RFWD3: variants seen among roughly 807,000 people sequenced by gnomAD.
RFWD3 encodes the protein E3 ubiquitin-protein ligase RFWD3.
In RFWD3, 65 loss-of-function variants were observed where a neutral mutation model predicts 87.7. That is an observed-to-expected ratio of 0.74 (90% CI 0.61 to 0.91). The LOEUF (loss-of-function observed/expected upper bound fraction) is 0.91, where lower values mean the gene tolerates loss of function less well. Ranked by LOEUF, RFWD3 falls within the 40% of genes least tolerant of loss-of-function variation. The pLI is 0.00. For missense variants in RFWD3, 1,078 were observed against 938.5 expected (o/e 1.15, Z -1.94); for synonymous variants, 433 against 352.8 (o/e 1.23, Z -2.55).
At chr16:74,636,965 G>A (rs915210649) in intron 7 of RFWD3, among the ~76,000 whole-genome samples, 17 of 151,732 alleles carry the variant, frequency 1.1e-4, no homozygotes, top group Non-Finnish European at 1.9e-4. Flanking sequence ...CACCCGCCTC[G>A]GCCGCCCAAA....
In RFWD3 at chr16:74,661,226, T is replaced by G; in HGVS notation, c.224A>C (p.Gln75Pro). ...ATPPLLQPAP[Q>P]LSVDLTEVEV... Reference sequence around the variant, plus strand: ...CACTTCTGTCAGGTCAACAGACAGTTGCGGAGCAGGCTGGAGCAGGGGTGG... The same window carrying G: ...CACTTCTGTCAGGTCAACAGACAGTGGCGGAGCAGGCTGGAGCAGGGGTGG... The change falls in exon 2 of 13, where the codon CAA becomes CCA. Residue 75 changes from glutamine to proline, a missense_variant. Coordinates refer to ENST00000361070, the MANE Select transcript of RFWD3 (RefSeq NM_018124.4). The G allele has an allele frequency of 6.2e-7, 1 of 1,614,226 alleles. No homozygotes were observed. The highest frequency in any genetic ancestry group is 2.2e-5 in the East Asian group (1 of 44,876).
At chr16:74,648,849 G>T (rs933844502) in intron 4 of RFWD3, among the ~76,000 whole-genome samples, 1 of 152,130 alleles carries the variant, frequency 6.6e-6, no homozygotes, top group Non-Finnish European at 1.5e-5. Context: ...GGTTTGGGAG[G>T]CCGAGGCAGG....
intron 8 of RFWD3, among the ~76,000 whole-genome samples, chr16:74,634,884 G>A (rs540577144): frequency 1.3e-4 from 20 of 152,160 alleles, no homozygotes; most frequent in African/African-American, 4.8e-4. Context: ...GCTCATGCCT[G>A]TAATCCCAGT....
chr16:74,632,780 C>A, intron 8 of RFWD3, 107 bp from the exon 9 acceptor site: 1 of 979,392 alleles, frequency 1.0e-6, no homozygotes. Flanking sequence ...GCGTATAAGT[C>A]CTTGGGAACC....
rs77457049 is a variant in RFWD3, at chr16:74,649,104, G to A, written c.792+28C>T. 3.8e-3 allele frequency: 5,562 copies of A among 1,452,834 alleles called. 157 individuals carry two copies. The East Asian group carries it at 0.056, about 15-fold the overall frequency. 90.0% of individuals were successfully genotyped at this position (1,452,834 alleles called of 1,614,324 possible). ...CTAAAAATAAATAAATAAATAAATA[G>A]ATTTTTTTAAAATGATGTTCATATT... On this transcript the variant is annotated intron_variant, in intron 4 of 12. Transcript: ENST00000361070.
chr16:74,637,931 C>T lies in RFWD3; in HGVS notation c.1119G>A (p.Glu373=). 2 of 1,612,390 alleles carry T rather than the reference C, an allele frequency of 1.2e-6. No individual in the cohort carries two copies. Among genetic ancestry groups the T allele is most frequent in the Non-Finnish European group, 1.7e-6 (2 of 1,179,744 alleles). ...LKEQMLRKQA[E]LESAQCRLQL... ...GGAGTCGGCACTGTGCTGATTCTAA[C>T]TCGGCCTGTTTCCTTAGCATCTGTT... Residue 373 remains glutamate (E), a synonymous_variant, in exon 7 of 13, where the codon GAG becomes GAA. Coordinates refer to ENST00000361070, the MANE Select transcript of RFWD3 (RefSeq NM_018124.4).
At chr16:74,627,791 C>T (rs966984649) in intron 11 of RFWD3, among the ~76,000 whole-genome samples, 6 of 152,210 alleles carry the variant, frequency 3.9e-5, no homozygotes, top group Non-Finnish European at 7.3e-5. Context: ...ACACCCACAA[C>T]GAACTCCCTA....
chr16:74,632,979 A>T (rs1384127358), intron 8 of RFWD3, among the ~76,000 whole-genome samples: 1 of 152,012 alleles, frequency 6.6e-6, no homozygotes, highest in Non-Finnish European at 1.5e-5. Context: ...TGATTCATTT[A>T]AAAAAGTACA....
At chr16:74,639,538 C>A (rs1959453484) in intron 6 of RFWD3, among the ~76,000 whole-genome samples, 1 of 152,076 alleles carries the variant, frequency 6.6e-6, no homozygotes, top group Non-Finnish European at 1.5e-5. Context: ...AAACAGTGAA[C>A]AAATGGAAGG....
chr16:74,661,582 G>A (rs1281687258), intron 1 of RFWD3, 131 bp from the exon 2 acceptor site: 5 of 881,020 alleles, frequency 5.7e-6, no homozygotes, highest in Non-Finnish European at 8.5e-6. Context: ...AGCTTCAAGA[G>A]AAGATTTTAA....
chr16:74,634,708 T>A (rs753376265), intron 8 of RFWD3, among the ~76,000 whole-genome samples: 1 of 151,020 alleles, frequency 6.6e-6, no homozygotes, highest in African/African-American at 2.4e-5. Context: ...TCTTTAAAAA[T>A]ACGTCAAATC....
intron 2 of RFWD3, among the ~76,000 whole-genome samples, chr16:74,656,308 C>CAAAAAAAAAAAA (rs71158534): frequency 4.4e-4 from 28 of 64,190 alleles, no homozygotes; most frequent in East Asian, 1.1e-3. Context: ...CTTGTCTTGC[C>CAAAAAAAAAAAA]AAAAAAAAAA....
intron 6 of RFWD3, among the ~76,000 whole-genome samples, chr16:74,642,768 C>T (rs1343206763): frequency 6.6e-6 from 1 of 152,214 alleles, no homozygotes; most frequent in Non-Finnish European, 1.5e-5. Context: ...GCTGGGATTA[C>T]AGGCATGAGC....
intron 1 of RFWD3, among the ~76,000 whole-genome samples, chr16:74,662,206 C>T (rs1182079486): frequency 6.6e-6 from 1 of 152,072 alleles, no homozygotes; most frequent in East Asian, 1.9e-4. Flanking sequence ...GTCTTGAATG[C>T]CTGGCCTTAC....
At chr16:74,645,912 C>A (rs1960099963) in intron 4 of RFWD3, among the ~76,000 whole-genome samples, 1 of 151,558 alleles carries the variant, frequency 6.6e-6, no homozygotes, top group Non-Finnish European at 1.5e-5. Context: ...GCCACCAAGC[C>A]CGATTTTGTG....
chr16:74,653,230 T>C (rs944261498), intron 2 of RFWD3, among the ~76,000 whole-genome samples: 3 of 152,084 alleles, frequency 2.0e-5, no homozygotes, highest in African/African-American at 2.4e-5. Flanking sequence ...TTCCAGCTAC[T>C]TGGGAGGCCA....
chr16:74,663,971 A>C (rs1961673436), intron 1 of RFWD3, among the ~76,000 whole-genome samples: 1 of 152,210 alleles, frequency 6.6e-6, no homozygotes, highest in South Asian at 2.1e-4. Context: ...GCTAAAACAA[A>C]ACACAGAACA....
intron 11 of RFWD3, among the ~76,000 whole-genome samples, chr16:74,627,610 T>C (rs975495740): frequency 6.6e-6 from 1 of 152,210 alleles, no homozygotes; most frequent in Non-Finnish European, 1.5e-5. Context: ...AGGGCTCTTC[T>C]AGAGAGTCAC....
rs546980238 is a variant in RFWD3 at position 74,655,553 on chromosome 16, G to A, written c.519-3431C>T. On this transcript the variant is annotated intron_variant, in intron 2 of 12. Transcript: ENST00000361070. Reference sequence around the variant, plus strand: ...TGAGCCACCATGCCCAGCTGAAGCCGATGCTCTTTTACTGTTCTGAAAATC... The same window carrying A: ...TGAGCCACCATGCCCAGCTGAAGCCAATGCTCTTTTACTGTTCTGAAAATC... Among the ~76,000 whole-genome samples, 195 of 147,964 alleles carry A rather than the reference G, an allele frequency of 1.3e-3. 1 individual carries two copies. The highest frequency in any genetic ancestry group is 4.4e-3 in the African/African-American group (178 of 40,074).
Sources: allele counts gnomAD v4.1 joint callset (sites outside exome capture counted in the v4.1 genomes callset), GRCh38; gene constraint gnomAD v4.1.1; transcripts MANE v1.5; gene names NCBI Gene and HGNC (gene_info 2026-07-23, HGNC 2026-07-21).